Variants in NLGN1 observed in about 807,000 individuals in gnomAD.
The protein encoded by NLGN1 is neuroligin-1.
In NLGN1, 12 loss-of-function variants were observed where a neutral mutation model predicts 65.5. That is an observed-to-expected ratio of 0.18 (90% CI 0.12 to 0.30). NLGN1 has a LOEUF of 0.30. NLGN1 is among the 10% of genes least tolerant of loss of function. The pLI is 1.00. For synonymous variants in NLGN1, 350 were observed against 359.5 expected, an observed-to-expected ratio of 0.97 and a Z score of 0.30; for missense variants, 750 against 1,007.1, an observed-to-expected ratio of 0.74 and a Z score of 3.46.
At chr3:174,179,237 G>A (rs1729956654) in intron 4 of NLGN1, among the ~76,000 whole-genome samples, 2 of 152,026 alleles carry the variant, frequency 1.3e-5, no homozygotes, top group Non-Finnish European at 2.9e-5. Context: ...TGGCCACACA[G>A]CAGGTTATCT....
chr3:173,690,616 T>C (rs1433365182), intron 3 of NLGN1, among the ~76,000 whole-genome samples: 1 of 152,168 alleles, frequency 6.6e-6, no homozygotes, highest in African/African-American at 2.4e-5. Flanking sequence ...TGAAAGTCCA[T>C]GATGTCAGAT....
intron 4 of NLGN1, among the ~76,000 whole-genome samples, chr3:174,120,273 G>A (rs1215013119): frequency 1.3e-5 from 2 of 151,958 alleles, no homozygotes; most frequent in African/African-American, 4.8e-5. Context: ...AGATCACAAG[G>A]TCAGGAGTTT....
chr3:174,156,107 T>A (rs912827446), intron 4 of NLGN1, among the ~76,000 whole-genome samples: 2 of 151,970 alleles, frequency 1.3e-5, no homozygotes, highest in Non-Finnish European at 2.9e-5. Flanking sequence ...CAGGTCTTGG[T>A]AGAAAACGTT....
chr3:173,611,903 A>T (rs1354451204), intron 3 of NLGN1, among the ~76,000 whole-genome samples: 1 of 152,056 alleles, frequency 6.6e-6, no homozygotes, highest in East Asian at 1.9e-4. Context: ...AATTCTTGGT[A>T]AAAACTGCTA....
At chr3:173,852,208 T>C (rs1727076011) in intron 4 of NLGN1, among the ~76,000 whole-genome samples, 1 of 150,598 alleles carries the variant, frequency 6.6e-6, no homozygotes. Context: ...TACAAAAAAT[T>C]AGCCGGGCGT....
At chr3:173,804,657 C>CAA (rs34786560) in intron 3 of NLGN1, among the ~76,000 whole-genome samples, 16,736 of 137,818 alleles carry the variant, frequency 0.12, 1,069 homozygotes, top group African/African-American at 0.16. Context: ...CTATTTACAT[C>CAA]AAAAAAAAAA....
intron 4 of NLGN1, among the ~76,000 whole-genome samples, chr3:174,118,345 A>G (rs567100989): frequency 1.1e-4 from 16 of 152,290 alleles, no homozygotes; most frequent in South Asian, 2.1e-4. Flanking sequence ...TGCATGTAGC[A>G]TCCTAACTCC....
chr3:173,425,156 C>T (rs1389357049), intron 1 of NLGN1, among the ~76,000 whole-genome samples: 1 of 152,166 alleles, frequency 6.6e-6, no homozygotes, highest in African/African-American at 2.4e-5. Context: ...CTTGTGAGAA[C>T]TCCTTTACTA....
intron 2 of NLGN1, among the ~76,000 whole-genome samples, chr3:173,530,404 A>G (rs1736371695): frequency 6.6e-6 from 1 of 152,122 alleles, no homozygotes; most frequent in African/African-American, 2.4e-5. Context: ...CCTGGAAGAG[A>G]GAGGGTGTGG....
intron 3 of NLGN1, among the ~76,000 whole-genome samples, chr3:173,708,719 C>T (rs1199627747): frequency 6.6e-6 from 1 of 152,116 alleles, no homozygotes; most frequent in Non-Finnish European, 1.5e-5. Flanking sequence ...TTCTGACGTA[C>T]AGGACCCAGG....
At chr3:174,037,793 C>G (rs1280723817) in intron 4 of NLGN1, among the ~76,000 whole-genome samples, 1 of 152,014 alleles carries the variant, frequency 6.6e-6, no homozygotes, top group South Asian at 2.1e-4. Context: ...ATTAAAGAGC[C>G]TTAGATGAAG....
At chr3:173,431,223 A>G (rs73883132) in intron 1 of NLGN1, among the ~76,000 whole-genome samples, 1 of 152,154 alleles carries the variant, frequency 6.6e-6, no homozygotes, top group African/African-American at 2.4e-5. Flanking sequence ...TGGCCCAGTA[A>G]GATGTTCCTG....
intron 3 of NLGN1, among the ~76,000 whole-genome samples, chr3:173,791,591 T>C (rs1367146807): frequency 3.3e-5 from 5 of 151,914 alleles, no homozygotes; most frequent in Non-Finnish European, 5.9e-5. Flanking sequence ...TTCAATTGCA[T>C]CTAGATGAAG....
At chr3:174,291,047 A>G (rs1752713355), downstream of NLGN1, among the ~76,000 whole-genome samples, 1 of 150,812 alleles carries the variant, frequency 6.6e-6, no homozygotes, top group Non-Finnish European at 1.5e-5. Context: ...TTTTTAAATT[A>G]AGACTAAATT....
intron 3 of NLGN1, among the ~76,000 whole-genome samples, chr3:173,765,664 G>A (rs897680556): frequency 6.6e-6 from 1 of 152,068 alleles, no homozygotes; most frequent in Admixed American, 6.6e-5. Context: ...ACTTAGTCCA[G>A]TTTACTTCAA....
At chr3:173,495,105 T>G (rs1224830188) in intron 2 of NLGN1, among the ~76,000 whole-genome samples, 1 of 151,862 alleles carries the variant, frequency 6.6e-6, no homozygotes, top group African/African-American at 2.4e-5. Context: ...ATTACTATAT[T>G]AACAGTGTTA....
chr3:173,660,037 G>C (rs1760693248), intron 3 of NLGN1, among the ~76,000 whole-genome samples: 1 of 151,854 alleles, frequency 6.6e-6, no homozygotes, highest in East Asian at 1.9e-4. Flanking sequence ...ATTTGTATAG[G>C]TCTCCTATTC....
intron 2 of NLGN1, among the ~76,000 whole-genome samples, chr3:173,445,048 C>A (rs1396969938): frequency 6.6e-6 from 1 of 151,068 alleles, no homozygotes; most frequent in African/African-American, 2.4e-5. Flanking sequence ...GCGGGCGGAT[C>A]ACGAGGTCAG....
At chr3:174,195,258 AAG>A (rs544375655) in intron 4 of NLGN1, among the ~76,000 whole-genome samples, 27 of 152,316 alleles carry the variant, frequency 1.8e-4, no homozygotes, top group African/African-American at 6.5e-4. Flanking sequence ...GTAATTGTTG[AAG>A]AGTTATGTTC....
Sources: allele counts gnomAD v4.1 joint callset (sites outside exome capture counted in the v4.1 genomes callset), GRCh38; gene constraint gnomAD v4.1.1; transcripts MANE v1.5; gene names NCBI Gene and HGNC (gene_info 2026-07-23, HGNC 2026-07-21).